The following C10orf90 variants were observed in gnomAD, a reference collection of about 807,000 sequenced individuals.
C10orf90 encodes (E2-independent) E3 ubiquitin-conjugating enzyme FATS.
A neutral mutation model predicts 62.5 loss-of-function variants in C10orf90; 56 were observed. The ratio of observed to expected loss-of-function variants is 0.90; its 90% confidence interval spans 0.72 to 1.12. The LOEUF (loss-of-function observed/expected upper bound fraction) is 1.12. C10orf90 is among the 50% of genes most tolerant of loss of function. C10orf90 has a pLI of 0.00. For missense variants in C10orf90, 970 were observed against 880.4 expected (o/e 1.10, Z -1.29); for synonymous variants, 386 against 340.4 (o/e 1.13, Z -1.47).
chr10:126,478,739 G>A (rs1207848683), intron 4 of C10orf90, among the ~76,000 whole-genome samples: 2 of 152,044 alleles, frequency 1.3e-5, no homozygotes, highest in African/African-American at 4.8e-5. Context: ...AAAGCGTGCT[G>A]GGGGAGGAGG....
rs1859605495 is a variant in C10orf90 at position 126,456,680 on chromosome 10, A to C, written c.2188+2360T>G. Among the ~76,000 whole-genome samples, 1 of 152,206 alleles carries C rather than the reference A, an allele frequency of 6.6e-6. No homozygotes were observed. The highest frequency in any genetic ancestry group is 1.5e-5 in the Non-Finnish European group (1 of 68,038). The stretch of plus-strand genomic sequence containing the variant: ...GGTAATCAAGTTAAAATGAGGTCAG[A>C]CTGGTGAGGTTAGCCCTAATCCAAT... On this transcript the variant is annotated intron_variant, in intron 7 of 9. Transcript: ENST00000488181. The surrounding 1 kb of genome is among the most constrained non-coding windows in gnomAD (Gnocchi z 4.9).
At chr10:126,596,160 A>C (rs1845081491) in intron 2 of C10orf90, among the ~76,000 whole-genome samples, 1 of 148,834 alleles carries the variant, frequency 6.7e-6, no homozygotes, top group Non-Finnish European at 1.5e-5. Context: ...AAAAAAAGCC[A>C]GGCATGGTAG....
chr10:126,491,070 A>G (rs919288712), intron 4 of C10orf90, among the ~76,000 whole-genome samples: 1 of 152,226 alleles, frequency 6.6e-6, no homozygotes, highest in African/African-American at 2.4e-5. Flanking sequence ...AGTCATTTAT[A>G]CTAGCATTCA....
Position 126,605,663 on chromosome 10 carries a change from G to T in C10orf90, c.313+40902C>A, listed in dbSNP as rs377672643. Among the ~76,000 whole-genome samples the T allele has an allele frequency of 9.2e-5, 14 of 152,188 alleles. No homozygotes were observed. In the South Asian group the frequency reaches 2.9e-3, roughly 32 times the overall value. ...GGTTCCAAGGTCTCCCGCTGGTGCCGTGAAGATAACTGCACTGAGAGATGG... is the reference window on the plus strand; with the variant it reads ...GGTTCCAAGGTCTCCCGCTGGTGCCTTGAAGATAACTGCACTGAGAGATGG... On this transcript the variant is annotated intron_variant, in intron 2 of 9. Transcript: ENST00000488181.
intron 7 of C10orf90, among the ~76,000 whole-genome samples, chr10:126,440,535 A>G (rs1297078241): frequency 6.6e-6 from 1 of 152,074 alleles, no homozygotes; most frequent in East Asian, 1.9e-4. Context: ...CCATACTACC[A>G]CAGCTGATGC....
At chr10:126,565,451 C>G (rs1205754475) in intron 2 of C10orf90, among the ~76,000 whole-genome samples, 1 of 79,002 alleles carries the variant, frequency 1.3e-5, no homozygotes, top group Non-Finnish European at 2.6e-5. Context: ...CACACACACA[C>G]ACACACACAA....
intron 7 of C10orf90, among the ~76,000 whole-genome samples, chr10:126,449,114 T>A (rs373752478): frequency 6.6e-6 from 1 of 152,186 alleles, no homozygotes; most frequent in Non-Finnish European, 1.5e-5. Context: ...ATACCCCTGA[T>A]GAACATAGAT....
chr10:126,642,457 G>A lies in C10orf90; in HGVS notation c.313+4108C>T, dbSNP rs556742653. ...TGAGGCAGGACAATGGCATGAACCCGGGAGGCAGAGCTTGCAGTAAGCCCA... is the reference window on the plus strand; with the variant it reads ...TGAGGCAGGACAATGGCATGAACCCAGGAGGCAGAGCTTGCAGTAAGCCCA... On this transcript the variant is annotated intron_variant, in intron 2 of 9. Transcript: ENST00000488181. 9.6e-4 allele frequency among the ~76,000 whole-genome samples: 146 copies of A among 152,156 alleles called. 1 individual carries two copies. Among genetic ancestry groups the A allele is most frequent in the African/African-American group, 2.6e-3 (106 of 41,514 alleles).
At chr10:126,444,880 C>CA (rs553685992) in intron 7 of C10orf90, among the ~76,000 whole-genome samples, 262 of 152,108 alleles carry the variant, frequency 1.7e-3, no homozygotes, top group African/African-American at 5.9e-3. Flanking sequence ...TACTTACAGC[C>CA]ACTGATCTTT....
intron 1 of C10orf90, among the ~76,000 whole-genome samples, chr10:126,648,563 G>A (rs926136288): frequency 1.3e-5 from 2 of 152,250 alleles, no homozygotes; most frequent in Non-Finnish European, 2.9e-5. Flanking sequence ...ACTTAGCGTA[G>A]ACGCGCCATG....
In C10orf90 at chr10:126,461,543, C is replaced by T. The variant is rs1169777422; in HGVS notation, c.1868G>A (p.Cys623Tyr). Residue 623 changes from cysteine (C) to tyrosine (Y), a missense_variant, in exon 6 of 10, where the codon TGT becomes TAT. Cys to Tyr is a radical substitution (Grantham distance 194). Coordinates refer to ENST00000488181, the MANE Select transcript of C10orf90 (RefSeq NM_001350921.2). ...CCDLVVKIKE[C>Y]KKSEDPTTPE... ...TGTGGTGGGGTCCTCACTCTTCTTA[C>T]ATTCCTTTATTTTTACAACCAAGTC... The T allele has an allele frequency of 6.2e-7, 1 of 1,613,950 alleles. No individual in the cohort carries two copies. The highest frequency in any genetic ancestry group is 8.5e-7 in the Non-Finnish European group (1 of 1,179,944).
chr10:126,510,503 T>C (rs1189286891), intron 3 of C10orf90, among the ~76,000 whole-genome samples: 1 of 152,190 alleles, frequency 6.6e-6, no homozygotes, highest in African/African-American at 2.4e-5. Flanking sequence ...AAAATAAAAT[T>C]AACTGACATC....
At chr10:126,536,660 C>T (rs981910941) in intron 2 of C10orf90, among the ~76,000 whole-genome samples, 2 of 152,164 alleles carry the variant, frequency 1.3e-5, no homozygotes, top group African/African-American at 2.4e-5. Flanking sequence ...GACTGTCTTC[C>T]ATGAACCAGT....
chr10:126,635,940 A>G (rs1027829819), intron 2 of C10orf90, among the ~76,000 whole-genome samples: 2 of 152,206 alleles, frequency 1.3e-5, no homozygotes, highest in Admixed American at 6.5e-5. Flanking sequence ...AATCTCTCAC[A>G]ATATTATTCA....
chr10:126,611,180 C>T (rs1317814722), intron 2 of C10orf90, among the ~76,000 whole-genome samples: 1 of 152,174 alleles, frequency 6.6e-6, no homozygotes, highest in African/African-American at 2.4e-5. Context: ...TAAGCCAACA[C>T]TCATCTACTT....
intron 2 of C10orf90, among the ~76,000 whole-genome samples, chr10:126,642,455 C>G (rs1490635318): frequency 2.0e-5 from 3 of 152,104 alleles, no homozygotes; most frequent in Non-Finnish European, 2.9e-5. Flanking sequence ...TGGCATGAAC[C>G]CGGGAGGCAG....
intron 4 of C10orf90, among the ~76,000 whole-genome samples, chr10:126,495,885 C>T (rs1862020436): frequency 6.6e-6 from 1 of 152,176 alleles, no homozygotes. Context: ...ATACTGAAGA[C>T]TAATGATAAT....
intron 4 of C10orf90, among the ~76,000 whole-genome samples, chr10:126,500,307 C>G (rs1411941203): frequency 6.6e-6 from 1 of 152,150 alleles, no homozygotes; most frequent in African/African-American, 2.4e-5. Context: ...GAGAAGGGAA[C>G]AGCAGGAGAC....
chr10:126,538,142 A>G (rs1355952804), intron 2 of C10orf90, among the ~76,000 whole-genome samples: 1 of 152,170 alleles, frequency 6.6e-6, no homozygotes, highest in Non-Finnish European at 1.5e-5. Context: ...GGAAGGCAAA[A>G]AAGGAGAAAG....
Sources: allele counts gnomAD v4.1 joint callset (sites outside exome capture counted in the v4.1 genomes callset), GRCh38; gene constraint gnomAD v4.1.1; non-coding constraint Gnocchi (gnomAD v3.1); transcripts MANE v1.5; gene names NCBI Gene and HGNC (gene_info 2026-07-23, HGNC 2026-07-21).